C2CD2: variants seen among roughly 807,000 people sequenced by gnomAD.
The protein encoded by C2CD2 is C2 domain-containing protein 2.
C2CD2 carries 43 observed loss-of-function variants against 74.3 expected under a neutral mutation model. That is an observed-to-expected ratio of 0.58 (90% confidence interval 0.45 to 0.75). The LOEUF (loss-of-function observed/expected upper bound fraction) is 0.75. Ranked by LOEUF, C2CD2 falls within the 30% of genes least tolerant of loss-of-function variation. The pLI is 0.00. For missense variants in C2CD2, 801 were observed against 916.3 expected, an observed-to-expected ratio of 0.87 and a Z score of 1.63; for synonymous variants, 422 against 390.7, an observed-to-expected ratio of 1.08 and a Z score of -0.94.
chr21:41,927,309 G>A (rs1460300832), intron 2 of C2CD2, among the ~76,000 whole-genome samples: 1 of 152,138 alleles, frequency 6.6e-6, no homozygotes, highest in Non-Finnish European at 1.5e-5. Context: ...GGGAATACGA[G>A]TGTGCAGCAC....
intron 2 of C2CD2, among the ~76,000 whole-genome samples, chr21:41,928,437 C>G (rs936176535): frequency 6.6e-6 from 1 of 151,858 alleles, no homozygotes; most frequent in African/African-American, 2.4e-5. Context: ...CTCCACCACC[C>G]GCCCTAGGAA....
intron 5 of C2CD2, among the ~76,000 whole-genome samples, chr21:41,915,980 A>G (rs1479574316): frequency 6.6e-6 from 1 of 152,054 alleles, no homozygotes; most frequent in Non-Finnish European, 1.5e-5. Flanking sequence ...CTGAGCACTG[A>G]TTTGACTGAG....
chr21:41,946,506 A>T (rs1179679956), intron 1 of C2CD2, among the ~76,000 whole-genome samples: 1 of 152,198 alleles, frequency 6.6e-6, no homozygotes, highest in Non-Finnish European at 1.5e-5. Context: ...GCTCTGGGTC[A>T]TAGAAGATGA....
chr21:41,924,587 C>T lies in C2CD2; in HGVS notation c.379-2502G>A, dbSNP rs373707912. The stretch of plus-strand genomic sequence containing the variant: ...TAAATGATCTATAAACAGTCCTTTA[C>T]GGAGGAACATGCTTTGTGGCCAGAT... On this transcript the variant is annotated intron_variant, in intron 2 of 13. Coordinates refer to ENST00000380486, the MANE Select transcript of C2CD2 (RefSeq NM_015500.2). This position sits in a 1 kb window ranked among gnomAD's most constrained non-coding sequence, Gnocchi z 4.4. 5.9e-5 allele frequency among the ~76,000 whole-genome samples: 9 copies of T among 152,270 alleles called. No homozygotes were observed. Among genetic ancestry groups the T allele is most frequent in the South Asian group, 2.1e-4 (1 of 4,822 alleles).
At position 41,945,851 on chromosome 21, in the gene C2CD2, C is replaced by T. The variant is rs1486246053; in HGVS notation, c.280-3606G>A. 1.3e-5 allele frequency among the ~76,000 whole-genome samples: 2 copies of T among 152,180 alleles called. No individual in the cohort carries two copies. The highest frequency in any genetic ancestry group is 4.8e-5 in the African/African-American group (2 of 41,450). On this transcript the variant is annotated intron_variant, in intron 1 of 13. Coordinates refer to ENST00000380486, the MANE Select transcript of C2CD2 (RefSeq NM_015500.2). This position sits in a 1 kb window ranked among gnomAD's most constrained non-coding sequence, Gnocchi z 4.2. ...TGTAAGTTTCCTGAGGCTTCCCCAGCCATGTGGAACTGTGAGTCATTAAAT... is the reference window on the plus strand; with the variant it reads ...TGTAAGTTTCCTGAGGCTTCCCCAGTCATGTGGAACTGTGAGTCATTAAAT...
chr21:41,909,788 G>T (rs987397346), intron 7 of C2CD2, among the ~76,000 whole-genome samples: 1 of 152,178 alleles, frequency 6.6e-6, no homozygotes, highest in East Asian at 1.9e-4. Flanking sequence ...GTCAAATGCG[G>T]TAGGCACGGA....
rs1313860550 is a variant in C2CD2, at chr21:41,892,727, GGC to G, written c.1871-3385_1871-3384del. Among the ~76,000 whole-genome samples the G allele has an allele frequency of 6.6e-6, 1 of 152,362 alleles. No homozygotes were observed. Among genetic ancestry groups the G allele is most frequent in the East Asian group, 1.9e-4 (1 of 5,190 alleles). ...GGTTATCCACTGCTAGCCCGGGTCT[GGC>G]CAAAATGCCACTAGTGCTTAGAGCA... On this transcript the variant is annotated intron_variant, in intron 13 of 13. Transcript: ENST00000380486. This position sits in a 1 kb window ranked among gnomAD's most constrained non-coding sequence, Gnocchi z 4.6.
intron 4 of C2CD2, 87 bp downstream of exon 4, chr21:41,918,769 C>T: frequency 3.0e-6 from 3 of 1,010,990 alleles, no homozygotes; most frequent in South Asian, 2.7e-5. Context: ...GCAACACCAG[C>T]CATGCACTCA....
At position 41,912,530 on chromosome 21, in the gene C2CD2, G is replaced by A. The variant is rs1251264199; in HGVS notation, c.845-90C>T. ...TTTTGAGACAGAGTCTCGCTCTGTC[G>A]CCCAGGCTGGAGTGCAGTGGCGCAA... On this transcript the variant is annotated intron_variant, in intron 6 of 13. Coordinates refer to ENST00000380486, the MANE Select transcript of C2CD2 (RefSeq NM_015500.2). The A allele has an allele frequency of 2.7e-5, 14 of 523,190 alleles. No homozygotes were observed. In the South Asian group the frequency reaches 2.7e-4, roughly 10 times the overall value. 32.4% of individuals were successfully genotyped at this position (523,190 alleles called of 1,614,324 possible). A position where few individuals can be genotyped will look rare whatever the true frequency, so the allele number is the denominator to read the frequency against.
chr21:41,914,619 G>A lies in C2CD2; in HGVS notation c.823C>T (p.Leu275Phe), dbSNP rs139624736. Residue 275 changes from leucine (L) to phenylalanine (F), a missense_variant, in exon 6 of 14, where the codon CTC becomes TTC. Physicochemically the swap from Leu to Phe is conservative, Grantham distance 22 (BLOSUM62 0). Transcript: ENST00000380486. ...LLVRNIHVLL[L>F]SEPGASGHIN... Reference sequence around the variant, plus strand: ...CCACCTGAGGCACCGGGCTCGCTGAGCAGCAAGACGTGGATGTTCCTCACC... The same window carrying A: ...CCACCTGAGGCACCGGGCTCGCTGAACAGCAAGACGTGGATGTTCCTCACC... 48 of 1,613,826 alleles carry A rather than the reference G, an allele frequency of 3.0e-5. No individual in the cohort carries two copies. The African/African-American group carries it at 5.6e-4, about 19-fold the overall frequency.
At chr21:41,946,824 G>A (rs1006030552) in intron 1 of C2CD2, among the ~76,000 whole-genome samples, 3 of 151,970 alleles carry the variant, frequency 2.0e-5, no homozygotes, top group Non-Finnish European at 2.9e-5. Context: ...GTGTAATCTC[G>A]CTCCAACCAT....
intron 2 of C2CD2, among the ~76,000 whole-genome samples, chr21:41,930,174 G>A (rs1309177804): frequency 2.7e-5 from 4 of 149,692 alleles, no homozygotes; most frequent in East Asian, 3.9e-4. Flanking sequence ...GTTATAAATC[G>A]ACTGTTCTCT....
chr21:41,894,813 C>T (rs1569054315), intron 13 of C2CD2: 1 of 456,636 alleles, frequency 2.2e-6, no homozygotes, highest in African/African-American at 2.0e-5. Flanking sequence ...GCAGGGAGAA[C>T]AGGGCCCCCA....
chr21:41,906,919 C>G, intron 10 of C2CD2, 73 bp downstream of exon 10: 2 of 1,197,772 alleles, frequency 1.7e-6, no homozygotes, highest in South Asian at 2.6e-5. Context: ...CAGAACTCTG[C>G]AGTTGTGGGG....
At chr21:41,891,627 C>T (rs1444165422) in intron 13 of C2CD2, among the ~76,000 whole-genome samples, 1 of 152,146 alleles carries the variant, frequency 6.6e-6, no homozygotes, top group Non-Finnish European at 1.5e-5. Flanking sequence ...GGCACCTGCA[C>T]CTGCCTTGAA....
chr21:41,911,925 C>T (rs376758469), intron 7 of C2CD2, among the ~76,000 whole-genome samples: 17 of 152,286 alleles, frequency 1.1e-4, no homozygotes, highest in African/African-American at 4.1e-4. Flanking sequence ...TGGTCTTAAA[C>T]TCCTGGGCTC....
In C2CD2 at chr21:41,918,928, G is replaced by A. The variant is rs747765527; in HGVS notation, c.525C>T (p.Asp175=). Residue 175 remains aspartate, a synonymous_variant, in exon 4 of 14, where the codon GAC becomes GAT. Transcript: ENST00000380486. ...LEFHMKEKRE[D]LQISWSFISV... ...TGATGAAAGACCAGCTAATCTGGAG[G>A]TCCTCTCTCTTCTCCTTCATGTGGA... 6.2e-7 allele frequency: 1 copy of A among 1,614,126 alleles called. No individual in the cohort carries two copies. Among genetic ancestry groups the A allele is most frequent in the East Asian group, 2.2e-5 (1 of 44,882 alleles).
intron 6 of C2CD2, among the ~76,000 whole-genome samples, chr21:41,912,679 C>T (rs1228402924): frequency 6.6e-6 from 1 of 151,976 alleles, no homozygotes; most frequent in Admixed American, 6.6e-5. Context: ...TTAGTAGAGA[C>T]GGGGTTTCAC....
At position 41,907,005 on chromosome 21, in the gene C2CD2, G is replaced by A. The variant is rs759140160; in HGVS notation, c.1305C>T (p.Ser435=). The A allele has an allele frequency of 3.7e-6, 6 of 1,613,714 alleles. No homozygotes were observed. The highest frequency in any genetic ancestry group is 2.2e-5 in the South Asian group (2 of 91,062). ...TKPRVDVGRA[S]PLSSDSPVKT... ...CTGTTGTCTCACCAGAGCTCAGCGG[G>A]GACGCCCTCCCCACGTCGACGCGAG... Residue 435 remains serine, a synonymous_variant, in exon 10 of 14, where the codon TCC becomes TCT. Transcript: ENST00000380486.
Sources: allele counts gnomAD v4.1 joint callset (sites outside exome capture counted in the v4.1 genomes callset), GRCh38; gene constraint gnomAD v4.1.1; non-coding constraint Gnocchi (gnomAD v3.1); transcripts MANE v1.5; gene names NCBI Gene and HGNC (gene_info 2026-07-23, HGNC 2026-07-21).